The following ASB5 variants were observed in gnomAD, a reference collection of about 807,000 sequenced individuals.
The protein encoded by ASB5 is ankyrin repeat and SOCS box protein 5.
A neutral mutation model predicts 42.1 loss-of-function variants in ASB5; 45 were observed. That is an observed-to-expected ratio of 1.07 (90% confidence interval 0.84 to 1.37). The LOEUF (loss-of-function observed/expected upper bound fraction) is 1.37. Ranked by LOEUF, ASB5 falls within the 40% of genes most tolerant of loss-of-function variation. ASB5 has a pLI of 0.00. For synonymous variants in ASB5, 147 were observed against 150.6 expected, an observed-to-expected ratio of 0.98 and a Z score of 0.18; for missense variants, 402 against 399.8, an observed-to-expected ratio of 1.01 and a Z score of -0.05.
intron 5 of ASB5, among the ~76,000 whole-genome samples, chr4:176,219,306 T>A (rs1358285831): frequency 1.2e-5 from 1 of 84,542 alleles, no homozygotes; most frequent in Non-Finnish European, 2.2e-5. Context: ...TTGTATGATA[T>A]ATAAATATAT....
chr4:176,225,797 C>G (rs1256698039), intron 1 of ASB5, among the ~76,000 whole-genome samples: 3 of 152,120 alleles, frequency 2.0e-5, no homozygotes, highest in Non-Finnish European at 4.4e-5. Context: ...ACCATGTTGG[C>G]CAGGCTGGTC....
intron 5 of ASB5, among the ~76,000 whole-genome samples, chr4:176,217,549 G>T (rs2126937573): frequency 1.3e-5 from 2 of 152,154 alleles, no homozygotes; most frequent in South Asian, 4.1e-4. Flanking sequence ...TCTCACTTAT[G>T]TAGTTTAAGT....
upstream of ASB5, among the ~76,000 whole-genome samples, chr4:176,272,107 G>C (rs1437384077): frequency 3.9e-5 from 6 of 152,160 alleles, no homozygotes; most frequent in African/African-American, 7.2e-5. Context: ...TACTAAGTGG[G>C]AATAAAGAAA....
At chr4:176,217,496 T>C (rs1326853239) in intron 5 of ASB5, among the ~76,000 whole-genome samples, 1 of 152,120 alleles carries the variant, frequency 6.6e-6, no homozygotes, top group Non-Finnish European at 1.5e-5. Flanking sequence ...CTCATGAATA[T>C]GTGAGCTATT....
intron 1 of ASB5, among the ~76,000 whole-genome samples, chr4:176,238,202 GTC>G (rs1491315414): frequency 2.8e-4 from 22 of 79,198 alleles, no homozygotes; most frequent in African/African-American, 1.0e-3. Context: ...AGGAGACTCC[GTC>G]TCAAAAAAAA....
upstream of ASB5, among the ~76,000 whole-genome samples, chr4:176,274,001 A>G (rs2126983152): frequency 6.6e-6 from 1 of 152,310 alleles, no homozygotes; most frequent in South Asian, 2.1e-4. Context: ...CGAGAAGGTT[A>G]CTTGACCAAA....
intron 1 of ASB5, among the ~76,000 whole-genome samples, chr4:176,254,446 A>T (rs535415282): frequency 1.1e-4 from 16 of 152,238 alleles, no homozygotes; most frequent in Middle Eastern, 3.4e-3. Flanking sequence ...AGATCCTCAA[A>T]CTATAAGAAT....
At chr4:176,238,046 AC>A (rs1753728243) in intron 1 of ASB5, among the ~76,000 whole-genome samples, 2 of 152,018 alleles carry the variant, frequency 1.3e-5, no homozygotes, top group Non-Finnish European at 2.9e-5. Flanking sequence ...ACGTGGTGAA[AC>A]CCCGTCTTTA....
intron 6 of ASB5, 60 bp downstream of exon 6, chr4:176,216,758 T>C: frequency 1.4e-6 from 2 of 1,386,688 alleles, no homozygotes; most frequent in Non-Finnish European, 1.9e-6. Context: ...CTCTCTCACT[T>C]TCATCTATTT....
At chr4:176,250,658 A>G (rs1161650060) in intron 1 of ASB5, among the ~76,000 whole-genome samples, 3 of 152,236 alleles carry the variant, frequency 2.0e-5, no homozygotes, top group Admixed American at 1.3e-4. Context: ...TCAGCAAAAC[A>G]AGACAGGAAC....
At chr4:176,241,708 C>T in intron 1 of ASB5, 1 of 1,264,094 alleles carries the variant, frequency 7.9e-7, no homozygotes, top group Non-Finnish European at 1.0e-6. Flanking sequence ...GTAAGCCTGA[C>T]ATAAGCATCT....
Position 176,224,998 on chromosome 4 carries a change from C to G in ASB5, c.276+264G>C, listed in dbSNP as rs1038941094. ...AAAGCTCAATCAATAACACATAAAT[C>G]CAATCATTACTTCTTTAAATGTCTA... is the stretch of plus-strand genomic sequence containing the variant. On this transcript the variant is annotated intron_variant, in intron 2 of 6. Coordinates refer to ENST00000296525, the MANE Select transcript of ASB5 (RefSeq NM_080874.4). 8.5e-5 allele frequency among the ~76,000 whole-genome samples: 13 copies of G among 152,184 alleles called. 1 individual carries two copies. Among genetic ancestry groups the G allele is most frequent in the Non-Finnish European group, 1.8e-4 (12 of 68,042 alleles).
chr4:176,232,718 G>A (rs552770906), intron 1 of ASB5, among the ~76,000 whole-genome samples: 66 of 152,224 alleles, frequency 4.3e-4, no homozygotes, highest in African/African-American at 1.4e-3. Flanking sequence ...TGGTTTCAAG[G>A]GAAATAATGT....
At position 176,238,096 on chromosome 4, in the gene ASB5, G is replaced by A. The variant is rs576585943; in HGVS notation, c.197-12755C>T. On this transcript the variant is annotated intron_variant, in intron 1 of 6. Coordinates refer to ENST00000296525, the MANE Select transcript of ASB5 (RefSeq NM_080874.4). Reference sequence around the variant, plus strand: ...AATTAGCTGGACATAGGGACGGGGCGCCTGTAGTCCCAGCTACTCAGAAGG... The same window carrying A: ...AATTAGCTGGACATAGGGACGGGGCACCTGTAGTCCCAGCTACTCAGAAGG... Among the ~76,000 whole-genome samples, 35 of 151,326 alleles carry A rather than the reference G, an allele frequency of 2.3e-4. 1 individual carries two copies. The South Asian group carries it at 5.4e-3, about 23-fold the overall frequency.
At chr4:176,238,515 G>GA (rs1753742707) in intron 1 of ASB5, among the ~76,000 whole-genome samples, 2 of 152,216 alleles carry the variant, frequency 1.3e-5, no homozygotes, top group South Asian at 4.1e-4. Flanking sequence ...AAAAGGCACA[G>GA]AGTCTATGAT....
At chr4:176,218,799 ATT>A (rs1331156065) in intron 5 of ASB5, among the ~76,000 whole-genome samples, 1 of 49,980 alleles carries the variant, frequency 2.0e-5, no homozygotes. Context: ...AAATATATAT[ATT>A]TGTATGATAT....
In ASB5 at chr4:176,224,703, C is replaced by CA. The variant is rs11325256; in HGVS notation, c.276+558dup. On this transcript the variant is annotated intron_variant, in intron 2 of 6. Transcript: ENST00000296525. The stretch of plus-strand genomic sequence containing the variant: ...TGCATTTGAATTACATCAGAAGCTT[C>CA]AAAAAAAAAAATACCCAAGCCAAAG... 2.6e-4 allele frequency among the ~76,000 whole-genome samples: 39 copies of CA among 150,582 alleles called. 1 individual carries two copies. Among genetic ancestry groups the CA allele is most frequent in the South Asian group, 1.0e-3 (5 of 4,766 alleles).
At chr4:176,226,546 G>A (rs929329628) in intron 1 of ASB5, among the ~76,000 whole-genome samples, 4 of 152,082 alleles carry the variant, frequency 2.6e-5, no homozygotes, top group South Asian at 2.1e-4. Context: ...ATATAGCTGC[G>A]TCTTTCTCTG....
At chr4:176,245,807 C>A (rs900664612) in intron 1 of ASB5, among the ~76,000 whole-genome samples, 1 of 152,028 alleles carries the variant, frequency 6.6e-6, no homozygotes, top group Non-Finnish European at 1.5e-5. Flanking sequence ...ACAGAAAAAC[C>A]AAACACCGCA....
Sources: allele counts gnomAD v4.1 joint callset (sites outside exome capture counted in the v4.1 genomes callset), GRCh38; gene constraint gnomAD v4.1.1; transcripts MANE v1.5; gene names NCBI Gene and HGNC (gene_info 2026-07-23, HGNC 2026-07-21).